The following IQSEC3 variants were observed in gnomAD, a reference collection of about 807,000 sequenced individuals.
IQSEC3 encodes the protein IQ motif and SEC7 domain-containing protein 3.
In IQSEC3, 50 loss-of-function variants were observed where a neutral mutation model predicts 105.4. The ratio of observed to expected loss-of-function variants is 0.47; its 90% CI spans 0.38 to 0.60. The LOEUF is 0.60. Among genes scored for constraint, IQSEC3 ranks in the 20% least tolerant of loss-of-function variants. The pLI is 0.00. For missense variants in IQSEC3, 1,415 were observed against 1,630.0 expected (o/e 0.87, Z 2.27); for synonymous variants, 708 against 746.0 (o/e 0.95, Z 0.83).
chr12:68,474 G>A (rs1173452892), intron 1 of IQSEC3, among the ~76,000 whole-genome samples: 3 of 152,100 alleles, frequency 2.0e-5, no homozygotes, highest in Non-Finnish European at 4.4e-5. Flanking sequence ...TCACTCAGGA[G>A]GTCCATGAAC....
chr12:170,080 T>C (rs892986758), intron 12 of IQSEC3, among the ~76,000 whole-genome samples: 7 of 152,004 alleles, frequency 4.6e-5, no homozygotes, highest in Non-Finnish European at 7.4e-5. Context: ...GACATGAGAT[T>C]CACTTTCCAA....
At chr12:105,456 G>C (rs1273234328) in intron 2 of IQSEC3, among the ~76,000 whole-genome samples, 1 of 152,196 alleles carries the variant, frequency 6.6e-6, no homozygotes, top group East Asian at 1.9e-4. Context: ...TTTGAGAGCA[G>C]GTGTGCTCCT....
At chr12:146,600 C>T (rs566396646) in intron 5 of IQSEC3, among the ~76,000 whole-genome samples, 3 of 151,732 alleles carry the variant, frequency 2.0e-5, no homozygotes, top group South Asian at 2.1e-4. Flanking sequence ...GAGTTGTGAC[C>T]GTGCCACTGC....
rs1863103540 is a variant in IQSEC3, at chr12:66,803, C to T, written c.-80C>T. On this transcript the variant is annotated 5_prime_UTR_variant, in exon 1 of 14. Coordinates refer to ENST00000538872, the MANE Select transcript of IQSEC3 (RefSeq NM_001170738.2). Reference sequence around the variant, plus strand: ...GTGGGAGAGGGAGGCGAGCCGACCGCTGGGCTGCTGGGCTCCCGCGCCCTC... The same window carrying T: ...GTGGGAGAGGGAGGCGAGCCGACCGTTGGGCTGCTGGGCTCCCGCGCCCTC... The T allele has an allele frequency of 2.4e-6, 3 of 1,275,378 alleles. No individual in the cohort carries two copies. Among genetic ancestry groups the T allele is most frequent in the Non-Finnish European group, 3.0e-6 (3 of 1,008,704 alleles). 79.0% of individuals were successfully genotyped at this position (1,275,378 alleles called of 1,614,324 possible). A position where few individuals can be genotyped will look rare whatever the true frequency, so the allele number is the denominator to read the frequency against.
intron 1 of IQSEC3, among the ~76,000 whole-genome samples, chr12:90,911 G>C (rs1591642105): frequency 6.6e-6 from 1 of 152,260 alleles, no homozygotes; most frequent in East Asian, 1.9e-4. Context: ...AGAAAATTAA[G>C]AGAAAGTGGA....
chr12:122,169 G>A (rs374640975), intron 2 of IQSEC3, among the ~76,000 whole-genome samples: 6 of 152,342 alleles, frequency 3.9e-5, no homozygotes, highest in South Asian at 2.1e-4. Context: ...CCCCGAGCAC[G>A]GAGATGGGCA....
At chr12:169,632 C>A (rs1424673154) in intron 12 of IQSEC3, among the ~76,000 whole-genome samples, 1 of 152,218 alleles carries the variant, frequency 6.6e-6, no homozygotes, top group East Asian at 1.9e-4. Flanking sequence ...AACTCCACTT[C>A]TCTAGTGGTT....
chr12:159,056 A>G (rs1390468772), intron 7 of IQSEC3, among the ~76,000 whole-genome samples: 1 of 152,004 alleles, frequency 6.6e-6, no homozygotes, highest in Non-Finnish European at 1.5e-5. Flanking sequence ...GACCCATCCC[A>G]CTCACGTCAG....
At chr12:79,133 G>A (rs1479165850) in intron 1 of IQSEC3, among the ~76,000 whole-genome samples, 1 of 152,130 alleles carries the variant, frequency 6.6e-6, no homozygotes, top group Non-Finnish European at 1.5e-5. Flanking sequence ...CCTCACCTGG[G>A]TTACTGCTCT....
At chr12:110,977 T>C (rs1555079408) in intron 2 of IQSEC3, among the ~76,000 whole-genome samples, 2 of 152,136 alleles carry the variant, frequency 1.3e-5, no homozygotes, top group Non-Finnish European at 2.9e-5. Flanking sequence ...TAAGGAAGCA[T>C]TGGGTTTAGC....
intron 4 of IQSEC3, chr12:140,877 A>G: frequency 2.1e-6 from 1 of 468,462 alleles, no homozygotes; most frequent in Admixed American, 3.6e-5. Flanking sequence ...AGGGACAGAG[A>G]AGGGTACTTC....
At chr12:105,474 C>A (rs1375299853) in intron 2 of IQSEC3, among the ~76,000 whole-genome samples, 3 of 152,158 alleles carry the variant, frequency 2.0e-5, no homozygotes, top group African/African-American at 7.2e-5. Flanking sequence ...CCTGGGTGAT[C>A]TGAGGAGCTG....
At chr12:130,630 C>A (rs536168138) in intron 3 of IQSEC3, among the ~76,000 whole-genome samples, 2 of 152,206 alleles carry the variant, frequency 1.3e-5, no homozygotes, top group African/African-American at 4.8e-5. Context: ...ACTAGCTGAG[C>A]CATAGCGTGT....
intron 1 of IQSEC3, among the ~76,000 whole-genome samples, chr12:89,552 A>C (rs1864018749): frequency 6.6e-6 from 1 of 152,218 alleles, no homozygotes; most frequent in Non-Finnish European, 1.5e-5. Context: ...CAACTATCTC[A>C]GTCAAGATAC....
chr12:84,992 C>T (rs906501371), intron 1 of IQSEC3, among the ~76,000 whole-genome samples: 2 of 152,086 alleles, frequency 1.3e-5, no homozygotes, highest in African/African-American at 2.4e-5. Flanking sequence ...TGTGGGTCCT[C>T]GGGAGGTCGT....
chr12:114,481 G>C (rs899903459), intron 2 of IQSEC3, among the ~76,000 whole-genome samples: 2 of 152,202 alleles, frequency 1.3e-5, no homozygotes, highest in African/African-American at 2.4e-5. Flanking sequence ...GTGGTGGCAG[G>C]ATAGAGCCGA....
At chr12:172,286 C>T (rs1939046702) in intron 13 of IQSEC3, among the ~76,000 whole-genome samples, 2 of 151,626 alleles carry the variant, frequency 1.3e-5, no homozygotes, top group African/African-American at 2.4e-5. Context: ...AGCTTCCTGC[C>T]CCAGCCGCTG....
chr12:136,536 T>C (rs1324469091), intron 3 of IQSEC3, among the ~76,000 whole-genome samples: 2 of 152,004 alleles, frequency 1.3e-5, no homozygotes, highest in African/African-American at 2.4e-5. Context: ...TGCTGAGGGA[T>C]GAAGTATGGC....
intron 3 of IQSEC3, among the ~76,000 whole-genome samples, chr12:137,062 G>C (rs1462833780): frequency 6.7e-6 from 1 of 149,060 alleles, no homozygotes; most frequent in Non-Finnish European, 1.5e-5. Context: ...GCCCTGCCCT[G>C]GTTGGACAGC....
Sources: gnomAD v4.1 joint callset for allele counts (sites outside exome capture counted in the v4.1 genomes callset) on GRCh38, gnomAD v4.1.1 for gene constraint, MANE v1.5 for transcripts, NCBI Gene and HGNC (gene_info 2026-07-23, HGNC 2026-07-21) for gene names.